The following GUCY2D variants were observed in gnomAD, a reference collection of about 807,000 sequenced individuals.
GUCY2D encodes retinal guanylyl cyclase 1.
In GUCY2D, 70 loss-of-function variants were observed where a neutral mutation model predicts 101.3. That is an observed-to-expected ratio of 0.69 (90% CI 0.57 to 0.84). GUCY2D has a LOEUF of 0.84. Among genes scored for constraint, GUCY2D ranks in the 40% least tolerant of loss-of-function variants. The probability of loss-of-function intolerance (pLI) is 0.00; values close to 1 mark genes in which losing one functional copy is unlikely to be tolerated. For synonymous variants in GUCY2D, 688 were observed against 670.7 expected (o/e 1.03, Z -0.40); for missense variants, 1,460 against 1,542.5 (o/e 0.95, Z 0.90).
rs767768129 is a variant in GUCY2D at position 8,006,498 on chromosome 17, C to A, written c.1162C>A (p.Pro388Thr). Residue 388 changes from proline to threonine, a missense_variant, in exon 4 of 20, where the codon CCT (proline) becomes ACT (threonine). Around this residue, in one of 3 missense-constraint regions of GUCY2D, gnomAD observed 1,196 missense variants for 1,229.6 expected, o/e 0.97. Transcript: ENST00000254854. ...VARHIRDAQV[P>T]GFCGDLGGDE... is the part of the protein sequence containing the mutation. The stretch of plus-strand genomic sequence containing the variant: ...CCGCCACATCCGGGATGCGCAGGTC[C>A]CTGGCTTCTGCGGGGACCTAGGAGG... 6 of 1,608,816 alleles carry A rather than the reference C, an allele frequency of 3.7e-6. No individual in the cohort carries two copies. Among genetic ancestry groups the A allele is most frequent in the Non-Finnish European group, 5.1e-6 (6 of 1,179,982 alleles).
rs1212198227 is a variant in GUCY2D, at chr17:8,014,782, G to A, written c.2576+18G>A. On this transcript the variant is annotated intron_variant, in intron 13 of 19. Coordinates refer to ENST00000254854, the MANE Select transcript of GUCY2D (RefSeq NM_000180.4). This position sits in a 1 kb window ranked among gnomAD's most constrained non-coding sequence, Gnocchi z 4.0. ...CTGCCTCCGTGGGTGCCAGTGGGAA[G>A]GGGTGGGCTGGGAGGGCAGCTGGAG... The A allele has an allele frequency of 6.2e-7, 1 of 1,613,000 alleles. No homozygotes were observed. Among genetic ancestry groups the A allele is most frequent in the Non-Finnish European group, 8.5e-7 (1 of 1,179,368 alleles).
chr17:8,007,242 G>C lies in GUCY2D; in HGVS notation c.1463+98G>C, dbSNP rs80245692. ...CTGGGTTCACTCAGGAGTAGAGGAG[G>C]AGATTTTTCTTGGGGTGAGGGTGTT... is the stretch of plus-strand genomic sequence containing the variant. On this transcript the variant is annotated intron_variant, in intron 5 of 19. Transcript: ENST00000254854. 3,766 of 1,042,706 alleles carry C rather than the reference G, an allele frequency of 3.6e-3. 90 individuals carry two copies. The African/African-American group carries it at 0.049, about 14-fold the overall frequency. 64.6% of individuals were successfully genotyped at this position (1,042,706 alleles called of 1,614,324 possible).
intron 19 of GUCY2D, chr17:8,016,925 A>C: frequency 1.1e-5 from 2 of 179,050 alleles, no homozygotes. Flanking sequence ...AGCCGTGCCC[A>C]CTCCCCTCCT....
Position 8,016,528 on chromosome 17 carries a change from T to C in GUCY2D, c.3310T>C (p.Ter1104ArgextTer31), listed in dbSNP as rs904486446. 1 of 1,555,864 alleles carries C rather than the reference T, an allele frequency of 6.4e-7. No individual in the cohort carries two copies. The highest frequency in any genetic ancestry group is 8.7e-7 in the Non-Finnish European group (1 of 1,149,380). ...LEKARPGQFS[*>R] Reference sequence around the variant, plus strand: ...GAAGGCGCGGCCGGGCCAGTTCTCTTGAGAAGTGAGGCCCGGCCCCGGACA... The same window carrying C: ...GAAGGCGCGGCCGGGCCAGTTCTCTCGAGAAGTGAGGCCCGGCCCCGGACA... Residue 1104 changes from the stop codon to arginine, a stop_lost, in exon 19 of 20, where the codon TGA (stop) becomes CGA (arginine). Coordinates refer to ENST00000254854, the MANE Select transcript of GUCY2D (RefSeq NM_000180.4).
Position 8,007,531 on chromosome 17 carries a change from G to A in GUCY2D, c.1566+3G>A, listed in dbSNP as rs752607737. On this transcript the variant is annotated splice_donor_region_variant and intron_variant, in intron 6 of 19. Transcript: ENST00000254854. ...CACATGGGGGCACCTCTCGAAAGGT[G>A]GGGGAGGCAGAGAGGCAGGAGCCAG... 2 of 1,565,842 alleles carry A rather than the reference G, an allele frequency of 1.3e-6. No individual in the cohort carries two copies. The highest frequency in any genetic ancestry group is 1.8e-6 in the Non-Finnish European group (2 of 1,136,320).
At position 8,004,227 on chromosome 17, in the gene GUCY2D, A is replaced by T. The variant is rs1332473007; in HGVS notation, c.1026+71A>T. On this transcript the variant is annotated intron_variant, in intron 3 of 19. Transcript: ENST00000254854. ...GGACAGCCAAAGCAGGGAGAGGAGGATGCAGCCAATGGAGAAAGAACCACT... is the reference window on the plus strand; with the variant it reads ...GGACAGCCAAAGCAGGGAGAGGAGGTTGCAGCCAATGGAGAAAGAACCACT... 4 of 1,350,620 alleles carry T rather than the reference A, an allele frequency of 3.0e-6. No homozygotes were observed. The East Asian group carries it at 7.3e-5, about 25-fold the overall frequency. The allele number at this position is 1,350,620 out of a possible 1,614,324, so 83.7% of individuals were successfully genotyped here. A position where few individuals can be genotyped will look rare whatever the true frequency, so the allele number is the denominator to read the frequency against.
chr17:8,007,385 A>C, intron 5 of GUCY2D, 41 bp from the exon 6 acceptor site: 1 of 1,345,594 alleles, frequency 7.4e-7, no homozygotes, highest in Non-Finnish European at 1.1e-6. Flanking sequence ...CTTCTGACGG[A>C]ACTTGGTGCC....
chr17:8,012,077 C>A, intron 8 of GUCY2D, 67 bp from the exon 9 acceptor site: 1 of 1,119,638 alleles, frequency 8.9e-7, no homozygotes, highest in Non-Finnish European at 1.4e-6. Flanking sequence ...AAAAACAGAT[C>A]TTGATTAACA....
intron 19 of GUCY2D, among the ~76,000 whole-genome samples, chr17:8,017,065 T>C (rs898296047): frequency 5.3e-5 from 8 of 152,232 alleles, no homozygotes; most frequent in Admixed American, 3.3e-4. Flanking sequence ...AAGTTGCTGC[T>C]ATAGGTGACT....
intron 7 of GUCY2D, among the ~76,000 whole-genome samples, chr17:8,008,658 T>A (rs1176777569): frequency 6.6e-6 from 1 of 152,130 alleles, no homozygotes; most frequent in African/African-American, 2.4e-5. Flanking sequence ...CTAGAGATCA[T>A]CATGGCCAAT....
In GUCY2D at chr17:8,014,536, G is replaced by T. The variant is rs1975922059; in HGVS notation, c.2413-65G>T. The T allele has an allele frequency of 4.1e-6, 6 of 1,457,828 alleles. No individual in the cohort carries two copies. The East Asian group carries it at 1.4e-4, about 33-fold the overall frequency. 90.3% of individuals were successfully genotyped at this position (1,457,828 alleles called of 1,614,324 possible). A position where few individuals can be genotyped will look rare whatever the true frequency, so the allele number is the denominator to read the frequency against. ...CAGCCCCATGAGAGGGCCCATGAGGGGGGCATAAAGAGGGCATGGCAACCC... is the reference window on the plus strand; with the variant it reads ...CAGCCCCATGAGAGGGCCCATGAGGTGGGCATAAAGAGGGCATGGCAACCC... On this transcript the variant is annotated intron_variant, in intron 12 of 19. Transcript: ENST00000254854. The surrounding 1 kb of genome is among the most constrained non-coding windows in gnomAD (Gnocchi z 4.0).
intron 17 of GUCY2D, 46 bp from the exon 18 acceptor site, chr17:8,016,159 C>T (rs377568220): frequency 7.2e-7 from 1 of 1,391,432 alleles, no homozygotes; most frequent in African/African-American, 1.4e-5. Flanking sequence ...TCCCCCACCC[C>T]TCACCCCAGT....
intron 7 of GUCY2D, among the ~76,000 whole-genome samples, chr17:8,008,371 C>T (rs1483583415): frequency 2.0e-5 from 3 of 152,196 alleles, no homozygotes; most frequent in Admixed American, 1.3e-4. Flanking sequence ...AGACCATCTC[C>T]GGCCTGGTCA....
chr17:8,006,754 A>G lies in GUCY2D; in HGVS notation c.1378+40A>G, dbSNP rs370833664. 6.0e-6 allele frequency: 9 copies of G among 1,491,698 alleles called. No homozygotes were observed. The African/African-American group carries it at 1.2e-4, about 21-fold the overall frequency. The allele number at this position is 1,491,698 out of a possible 1,614,324, so 92.4% of individuals were successfully genotyped here. A position where few individuals can be genotyped will look rare whatever the true frequency, so the allele number is the denominator to read the frequency against. On this transcript the variant is annotated intron_variant, in intron 4 of 19. Coordinates refer to ENST00000254854, the MANE Select transcript of GUCY2D (RefSeq NM_000180.4). ...CCCAGTCCCCACTGAGACAATCGCCATGGACCATCCACAAAGTGATGAAAG... is the reference window on the plus strand; with the variant it reads ...CCCAGTCCCCACTGAGACAATCGCCGTGGACCATCCACAAAGTGATGAAAG...
chr17:8,014,328 G>T lies in GUCY2D; in HGVS notation c.2413-273G>T. 1.7e-6 allele frequency: 1 copy of T among 602,050 alleles called. No homozygotes were observed. 37.3% of individuals were successfully genotyped at this position (602,050 alleles called of 1,614,324 possible). A position where few individuals can be genotyped will look rare whatever the true frequency, so the allele number is the denominator to read the frequency against. ...GCTGTGACAGAAAGACCCTTGGCCT[G>T]GGAGCCCAACGATTGGGCTGGCTCC... On this transcript the variant is annotated intron_variant, in intron 12 of 19. Coordinates refer to ENST00000254854, the MANE Select transcript of GUCY2D (RefSeq NM_000180.4). This position sits in a 1 kb window ranked among gnomAD's most constrained non-coding sequence, Gnocchi z 4.0.
Position 8,003,180 on chromosome 17 carries a change from C to G in GUCY2D, c.133C>G (p.Leu45Val). ...RLPLLLLLLL[L>V]QPPALSAVFT... Reference sequence around the variant, plus strand: ...CCCGCTCCTGCTGCTCCTGCTTCTGCTGCAGCCCCCCGCCCTCTCCGCCGT... The same window carrying G: ...CCCGCTCCTGCTGCTCCTGCTTCTGGTGCAGCCCCCCGCCCTCTCCGCCGT... The change falls in exon 2 of 20, where the codon CTG becomes GTG. Residue 45 changes from leucine (L) to valine (V), a missense_variant. Physicochemically the swap from Leu to Val is conservative, Grantham distance 32. Transcript: ENST00000254854. 1 of 1,514,316 alleles carries G rather than the reference C, an allele frequency of 6.6e-7. No homozygotes were observed. Among genetic ancestry groups the G allele is most frequent in the Non-Finnish European group, 8.8e-7 (1 of 1,137,182 alleles). 93.8% of individuals were successfully genotyped at this position (1,514,316 alleles called of 1,614,324 possible).
chr17:8,006,690 G>A lies in GUCY2D; in HGVS notation c.1354G>A (p.Asp452Asn), dbSNP rs776845104. Reference protein sequence around the residue: ...APGPDPSCWFDPNNICGGGLE... With the variant: ...APGPDPSCWFNPNNICGGGLE... ...CGGACCTGACCCCTCGTGCTGGTTC[G>A]ATCCAAACAACATCTGCGGTGGAGG... The change falls in exon 4 of 20, where the codon GAT (aspartate) becomes AAT (asparagine). Residue 452 changes from aspartate (D) to asparagine (N), a missense_variant. Coordinates refer to ENST00000254854, the MANE Select transcript of GUCY2D (RefSeq NM_000180.4). The A allele has an allele frequency of 4.6e-5, 74 of 1,609,434 alleles. No individual in the cohort carries two copies. Among genetic ancestry groups the A allele is most frequent in the Non-Finnish European group, 6.0e-5 (71 of 1,177,836 alleles).
At chr17:8,015,184 A>C (rs1975940278) in intron 14 of GUCY2D, 133 bp downstream of exon 14, 3 of 1,062,294 alleles carry the variant, frequency 2.8e-6, no homozygotes, top group Non-Finnish European at 4.2e-6. Flanking sequence ...TCCCTTATTT[A>C]TTCCTCCAGT....
At position 8,013,912 on chromosome 17, in the gene GUCY2D, CTG is replaced by C. The variant is rs747948522; in HGVS notation, c.2300_2301del (p.Cys767SerfsTer51). On this transcript the variant is annotated frameshift_variant, in exon 12 of 20. Coordinates refer to ENST00000254854, the MANE Select transcript of GUCY2D (RefSeq NM_000180.4). LOFTEE classifies it high-confidence loss of function. This position sits in a 1 kb window ranked among gnomAD's most constrained non-coding sequence, Gnocchi z 5.0. The part of the protein sequence containing the change: ...VVQRVRSPPP[L>X]CRPLVSMDQA... ...GCAGAGGGTGCGGAGCCCCCCTCCA[CTG>C]TGTCGGCCCTTGGTGTCCATGGACC... 4.3e-6 allele frequency: 7 copies of C among 1,613,394 alleles called. No homozygotes were observed. The highest frequency in any genetic ancestry group is 5.9e-6 in the Non-Finnish European group (7 of 1,179,462).
Sources: allele counts gnomAD v4.1 joint callset (sites outside exome capture counted in the v4.1 genomes callset), GRCh38; gene constraint gnomAD v4.1.1; regional missense constraint gnomAD v4.1.1; non-coding constraint Gnocchi (gnomAD v3.1); transcripts MANE v1.5; gene names NCBI Gene and HGNC (gene_info 2026-07-23, HGNC 2026-07-21).